The following FAM227B variants were observed in gnomAD, a reference collection of about 807,000 sequenced individuals.
The protein encoded by FAM227B is protein FAM227B.
In FAM227B, 88 loss-of-function variants were observed where a neutral mutation model predicts 73.8. That is an observed-to-expected ratio of 1.19 (90% CI 1.00 to 1.42). The LOEUF (loss-of-function observed/expected upper bound fraction) is 1.42, where lower values mean the gene tolerates loss of function less well. Ranked by LOEUF, FAM227B falls within the 40% of genes most tolerant of loss-of-function variation. The pLI, the probability that FAM227B is intolerant of heterozygous loss-of-function variation, is 0.00. For synonymous variants in FAM227B, 210 were observed against 190.5 expected, an observed-to-expected ratio of 1.10 and a Z score of -0.84; for missense variants, 632 against 590.9, an observed-to-expected ratio of 1.07 and a Z score of -0.72.
chr15:49,337,439 C>T (rs773714971), intron 13 of FAM227B, among the ~76,000 whole-genome samples: 71 of 128,294 alleles, frequency 5.5e-4, no homozygotes, highest in Non-Finnish European at 8.2e-4. Context: ...TCTCTGCTGA[C>T]GAGTGATGCT....
At chr15:49,522,812 C>T (rs1350515285) in intron 10 of FAM227B, among the ~76,000 whole-genome samples, 3 of 152,024 alleles carry the variant, frequency 2.0e-5, no homozygotes, top group African/African-American at 4.8e-5. Flanking sequence ...AAACCTATGA[C>T]TTATAGACAT....
chr15:49,411,149 T>C (rs994993790), intron 11 of FAM227B, among the ~76,000 whole-genome samples: 13 of 151,824 alleles, frequency 8.6e-5, no homozygotes, highest in African/African-American at 1.7e-4. Context: ...GAATTGAAAA[T>C]AGAACCCCCC....
intron 13 of FAM227B, among the ~76,000 whole-genome samples, chr15:49,342,012 G>T (rs549754639): frequency 1.3e-5 from 2 of 152,258 alleles, no homozygotes; most frequent in African/African-American, 4.8e-5. Context: ...TTCTGTGGTT[G>T]ATGGGTGAAG....
intron 10 of FAM227B, among the ~76,000 whole-genome samples, chr15:49,522,195 T>C (rs1233636296): frequency 6.6e-6 from 1 of 152,156 alleles, no homozygotes; most frequent in Non-Finnish European, 1.5e-5. Context: ...CCCGTAACAG[T>C]GTCTTAGCCC....
Position 49,529,502 on chromosome 15 carries a change from C to G in FAM227B, c.874+12178G>C, listed in dbSNP as rs73402185. Among the ~76,000 whole-genome samples the G allele has an allele frequency of 9.7e-3, 1,478 of 151,674 alleles. 24 individuals carry two copies. Among genetic ancestry groups the G allele is most frequent in the African/African-American group, 0.034 (1,420 of 41,456 alleles). ...AATAATCTAAAAATAAACATACACACAAAAGAAAATGTAGGTTTGATTTTT... is the reference window on the plus strand; with the variant it reads ...AATAATCTAAAAATAAACATACACAGAAAAGAAAATGTAGGTTTGATTTTT... On this transcript the variant is annotated intron_variant, in intron 10 of 15. Transcript: ENST00000299338.
intron 3 of FAM227B, among the ~76,000 whole-genome samples, chr15:49,593,619 C>G (rs1030545229): frequency 6.6e-6 from 1 of 151,742 alleles, no homozygotes; most frequent in Non-Finnish European, 1.5e-5. Context: ...TCCCCAAAGT[C>G]CACTGTAACA....
intron 8 of FAM227B, among the ~76,000 whole-genome samples, chr15:49,573,243 A>AGC (rs1555548674): frequency 3.3e-5 from 5 of 151,758 alleles, no homozygotes; most frequent in Non-Finnish European, 7.4e-5. Context: ...TTTTCTAGAT[A>AGC]TGTTATTATT....
At chr15:49,354,439 G>A (rs960751221) in intron 13 of FAM227B, among the ~76,000 whole-genome samples, 11 of 152,230 alleles carry the variant, frequency 7.2e-5, no homozygotes, top group East Asian at 1.9e-4. Context: ...CTTGGGAAGC[G>A]CAAGGGGTCA....
At chr15:49,581,047 T>C (rs1466891424) in intron 5 of FAM227B, among the ~76,000 whole-genome samples, 1 of 152,134 alleles carries the variant, frequency 6.6e-6, no homozygotes, top group Non-Finnish European at 1.5e-5. Flanking sequence ...TTGGAAAACA[T>C]ATTTCAGGAC....
chr15:49,331,543 T>G, intron 15 of FAM227B: 1 of 438,416 alleles, frequency 2.3e-6, no homozygotes, highest in African/African-American at 2.0e-5. Flanking sequence ...AGCTTTTCAG[T>G]TACATAAACT....
chr15:49,435,211 G>A (rs1424782927), intron 11 of FAM227B, among the ~76,000 whole-genome samples: 1 of 151,534 alleles, frequency 6.6e-6, no homozygotes, highest in African/African-American at 2.4e-5. Context: ...ACTTACCTAT[G>A]TCAGCTGTTG....
intron 10 of FAM227B, among the ~76,000 whole-genome samples, chr15:49,525,725 A>T (rs2060149034): frequency 7.3e-6 from 1 of 137,178 alleles, no homozygotes; most frequent in Non-Finnish European, 1.5e-5. Flanking sequence ...TATATCACAA[A>T]CAGAGCACAA....
chr15:49,348,740 T>G (rs1483671824), intron 13 of FAM227B, among the ~76,000 whole-genome samples: 1 of 152,196 alleles, frequency 6.6e-6, no homozygotes, highest in Non-Finnish European at 1.5e-5. Context: ...AGTCCTAAAT[T>G]CCAAGCATTC....
intron 10 of FAM227B, among the ~76,000 whole-genome samples, chr15:49,519,107 G>A (rs2059595838): frequency 6.6e-6 from 1 of 152,238 alleles, no homozygotes; most frequent in African/African-American, 2.4e-5. Context: ...AAATCTTAAA[G>A]CTTCAAAATG....
chr15:49,574,103 T>C (rs1474559303), intron 8 of FAM227B, among the ~76,000 whole-genome samples: 2 of 152,304 alleles, frequency 1.3e-5, no homozygotes, highest in South Asian at 2.1e-4. Flanking sequence ...GTAAGTTAAA[T>C]GCCTTCCTTT....
intron 9 of FAM227B, among the ~76,000 whole-genome samples, chr15:49,545,327 G>C (rs2071677479): frequency 6.6e-6 from 1 of 152,064 alleles, no homozygotes; most frequent in African/African-American, 2.4e-5. Context: ...TTGTATTTCT[G>C]TGGTATCGGT....
intron 11 of FAM227B, among the ~76,000 whole-genome samples, chr15:49,400,742 G>C (rs1354498680): frequency 5.6e-4 from 81 of 145,482 alleles, no homozygotes; most frequent in South Asian, 6.7e-4. Context: ...GAAAAACAAG[G>C]AATGGGGAAA....
At chr15:49,559,211 C>T (rs2074028728) in intron 9 of FAM227B, among the ~76,000 whole-genome samples, 1 of 152,172 alleles carries the variant, frequency 6.6e-6, no homozygotes, top group African/African-American at 2.4e-5. Flanking sequence ...GTGCAACCAT[C>T]TCAACTCCCT....
intron 13 of FAM227B, among the ~76,000 whole-genome samples, chr15:49,350,913 C>G (rs973389002): frequency 2.0e-5 from 3 of 152,198 alleles, no homozygotes; most frequent in African/African-American, 7.2e-5. Context: ...CTGCATGGAA[C>G]AGCTTTCCCC....
Sources: allele counts gnomAD v4.1 joint callset (sites outside exome capture counted in the v4.1 genomes callset), GRCh38; gene constraint gnomAD v4.1.1; transcripts MANE v1.5; gene names NCBI Gene and HGNC (gene_info 2026-07-23, HGNC 2026-07-21).